The following SYBU variants were observed in gnomAD, a reference collection of about 807,000 sequenced individuals.
SYBU encodes the protein GOLSYN A protein.
Under a neutral mutation model 35.9 loss-of-function variants are expected in SYBU, and 21 were observed. The ratio of observed to expected loss-of-function variants is 0.58; its 90% CI spans 0.41 to 0.84. The LOEUF (loss-of-function observed/expected upper bound fraction) is 0.84. SYBU is among the 40% of genes least tolerant of loss of function. The pLI, the probability that SYBU is intolerant of heterozygous loss-of-function variation, is 0.00. For missense variants in SYBU, 768 were observed against 848.2 expected (o/e 0.91, Z 1.17); for synonymous variants, 319 against 324.3 (o/e 0.98, Z 0.18).
rs976313188 is a variant in SYBU, at chr8:109,651,427, C to T, written c.-129+29284G>A. On this transcript the variant is annotated intron_variant, in intron 1 of 5. Coordinates refer to the SYBU transcript ENST00000408889. ...TAATAAAGGACATGAATTCTTGAGT[C>T]TCATAGGCCTGAAATTGAGACTTTT... Among the ~76,000 whole-genome samples the T allele has an allele frequency of 1.0e-3, 140 of 139,992 alleles. 4 individuals are homozygous for T. Among genetic ancestry groups the T allele is most frequent in the Non-Finnish European group, 9.2e-4 (60 of 65,560 alleles). The allele number at this position is 139,992 out of a possible 152,430, so 91.8% of individuals were successfully genotyped here. A position where few individuals can be genotyped will look rare whatever the true frequency, so the allele number is the denominator to read the frequency against.
intron 3 of SYBU, among the ~76,000 whole-genome samples, chr8:109,612,331 A>G (rs1421121111): frequency 6.6e-6 from 1 of 152,222 alleles, no homozygotes; most frequent in Non-Finnish European, 1.5e-5. Flanking sequence ...CATCTAATGT[A>G]TCCTTCCAAA....
At chr8:109,647,547 G>A (rs987105258), upstream of SYBU, 19 of 152,162 alleles carry the variant, frequency 1.2e-4, no homozygotes, top group African/African-American at 4.1e-4. Context: ...AAAGCTTGTA[G>A]GCAGTGCCTA....
At chr8:109,641,711 T>C (rs758981008) in intron 2 of SYBU, among the ~76,000 whole-genome samples, 6 of 152,262 alleles carry the variant, frequency 3.9e-5, no homozygotes, top group Non-Finnish European at 8.8e-5. Context: ...GTTGCTAGTA[T>C]AAAATTCAAT....
intron 3 of SYBU, among the ~76,000 whole-genome samples, chr8:109,616,006 C>CTTTTTTTT (rs35120699): frequency 1.6e-3 from 109 of 67,770 alleles, no homozygotes; most frequent in Non-Finnish European, 1.8e-3. Flanking sequence ...TCTTTTCTTT[C>CTTTTTTTT]TTTTTTTTTT....
chr8:109,576,014 C>T lies in SYBU; in HGVS notation c.885-1G>A. 2.6e-6 allele frequency: 4 copies of T among 1,544,428 alleles called. No individual in the cohort carries two copies. Among genetic ancestry groups the T allele is most frequent in the Non-Finnish European group, 3.5e-6 (4 of 1,139,744 alleles). ...CTTAAGCTCCACGATTTCACTTTCCCTAGAGTGCCAAGACAAGCATGGTTA... is the reference window on the plus strand; with the variant it reads ...CTTAAGCTCCACGATTTCACTTTCCTTAGAGTGCCAAGACAAGCATGGTTA... On this transcript the variant is annotated splice_acceptor_variant, in intron 6 of 6. Transcript: ENST00000276646. LOFTEE classifies it high-confidence loss of function.
At chr8:109,597,899 T>C (rs1825077474) in intron 3 of SYBU, among the ~76,000 whole-genome samples, 1 of 152,274 alleles carries the variant, frequency 6.6e-6, no homozygotes, top group Non-Finnish European at 1.5e-5. Flanking sequence ...AATTATGGGA[T>C]AGATTTTAAA....
chr8:109,673,100 C>T (rs1251370801), intron 1 of SYBU, among the ~76,000 whole-genome samples: 1 of 152,194 alleles, frequency 6.6e-6, no homozygotes, highest in East Asian at 1.9e-4. Context: ...CGGCTGTGGA[C>T]ACAGCTTCAG....
chr8:109,615,870 G>A (rs1048822399), intron 3 of SYBU, among the ~76,000 whole-genome samples: 9 of 151,654 alleles, frequency 5.9e-5, no homozygotes, highest in South Asian at 2.1e-4. Flanking sequence ...CTGGAGTATG[G>A]GTCCATAGTT....
At chr8:109,689,845 A>AC (rs199910171) in intron 1 of SYBU, among the ~76,000 whole-genome samples, 54 of 151,376 alleles carry the variant, frequency 3.6e-4, no homozygotes, top group African/African-American at 1.3e-3. Context: ...AAAAAAAAAA[A>AC]AAAAAAAAAA....
chr8:109,672,493 T>A (rs1229389952), intron 1 of SYBU, among the ~76,000 whole-genome samples: 2 of 152,162 alleles, frequency 1.3e-5, no homozygotes, highest in Non-Finnish European at 2.9e-5. Flanking sequence ...AATGGTGCAT[T>A]GAGGCCCAGA....
In SYBU at chr8:109,619,043, G is replaced by T. The variant is rs1396611950; in HGVS notation, c.230-4C>A. ...CTGCTAGGACAGCCTGTGTCATCTA[G>T]AAGACAGGAATCAATAAGTGTTTAA... On this transcript the variant is annotated splice_region_variant and splice_polypyrimidine_tract_variant and intron_variant, in intron 2 of 6. Coordinates refer to ENST00000276646, the MANE Select transcript of SYBU (RefSeq NM_001099754.2). 2.5e-6 allele frequency: 4 copies of T among 1,611,262 alleles called. No homozygotes were observed.
chr8:109,654,978 G>C (rs1453159069), intron 1 of SYBU, among the ~76,000 whole-genome samples: 1 of 152,144 alleles, frequency 6.6e-6, no homozygotes, highest in Non-Finnish European at 1.5e-5. Context: ...TTTTTGAACA[G>C]TGGCCACAAT....
chr8:109,644,928 T>G (rs1425537791), upstream of SYBU: 2 of 538,272 alleles, frequency 3.7e-6, no homozygotes, highest in African/African-American at 1.9e-5. Context: ...CCTGCGGCCT[T>G]CGGGGCAACT....
At chr8:109,633,630 T>C (rs1025303697) in intron 2 of SYBU, among the ~76,000 whole-genome samples, 1 of 152,108 alleles carries the variant, frequency 6.6e-6, no homozygotes, top group African/African-American at 2.4e-5. Flanking sequence ...GACTGGGGCT[T>C]TCTCAGAATA....
At chr8:109,590,543 T>A (rs570268114) in intron 3 of SYBU, among the ~76,000 whole-genome samples, 2 of 151,988 alleles carry the variant, frequency 1.3e-5, no homozygotes, top group East Asian at 3.9e-4. Flanking sequence ...GCCATATACT[T>A]AAAATAACAC....
At chr8:109,644,048 T>A (rs1815262709) in intron 1 of SYBU, 2 of 455,864 alleles carry the variant, frequency 4.4e-6, no homozygotes, top group African/African-American at 4.0e-5. Context: ...TCCACCGGCT[T>A]ACCAGGAAGG....
At chr8:109,619,706 C>A (rs1563731126) in intron 2 of SYBU, among the ~76,000 whole-genome samples, 1 of 152,144 alleles carries the variant, frequency 6.6e-6, no homozygotes, top group Non-Finnish European at 1.5e-5. Flanking sequence ...GTGAACTCTT[C>A]AGAGTTTACA....
chr8:109,688,478 C>T (rs1817569470), intron 1 of SYBU, among the ~76,000 whole-genome samples: 2 of 152,156 alleles, frequency 1.3e-5, no homozygotes. Flanking sequence ...TTTAGGTATT[C>T]TGGGACTTCT....
intron 1 of SYBU, among the ~76,000 whole-genome samples, chr8:109,655,535 T>C (rs550959876): frequency 5.9e-5 from 9 of 152,202 alleles, no homozygotes; most frequent in Non-Finnish European, 1.2e-4. Flanking sequence ...ATCCTATGTA[T>C]TATAAAATAT....
Sources: gnomAD v4.1 joint callset for allele counts (sites outside exome capture counted in the v4.1 genomes callset) on GRCh38, gnomAD v4.1.1 for gene constraint, MANE v1.5 for transcripts, NCBI Gene and HGNC (gene_info 2026-07-23, HGNC 2026-07-21) for gene names.